The following SLC4A4 variants were observed in gnomAD, a reference collection of about 807,000 sequenced individuals.
SLC4A4 encodes electrogenic sodium bicarbonate cotransporter 1.
Under a neutral mutation model 111.5 loss-of-function variants are expected in SLC4A4, and 27 were observed. The observed-to-expected ratio is 0.24, with a 90% CI of 0.18 to 0.33. SLC4A4 has a LOEUF of 0.33. SLC4A4 is among the 10% of genes least tolerant of loss of function. The pLI, the probability that SLC4A4 is intolerant of heterozygous loss-of-function variation, is 1.00. For synonymous variants in SLC4A4, 443 were observed against 463.4 expected, an observed-to-expected ratio of 0.96 and a Z score of 0.57; for missense variants, 909 against 1,315.5, an observed-to-expected ratio of 0.69 and a Z score of 4.78.
At chr4:71,300,692 G>A (rs978852148) in intron 3 of SLC4A4, 1 of 393,548 alleles carries the variant, frequency 2.5e-6, no homozygotes, top group Admixed American at 3.0e-5. Context: ...GGAGTGATAT[G>A]TAGGGGCATG....
chr4:71,459,795 A>G (rs1330229445), intron 12 of SLC4A4, among the ~76,000 whole-genome samples: 1 of 152,102 alleles, frequency 6.6e-6, no homozygotes, highest in Non-Finnish European at 1.5e-5. Context: ...ATAACGGACA[A>G]GGATGTCCAC....
Position 71,318,993 on chromosome 4 carries a change from T to C in SLC4A4, c.254-20377T>C, listed in dbSNP as rs74390568. Among the ~76,000 whole-genome samples the C allele has an allele frequency of 7.1e-3, 1,074 of 152,024 alleles. 17 individuals are homozygous for C. The highest frequency in any genetic ancestry group is 0.025 in the African/African-American group (1,033 of 41,512). ...ATAACAATCTTAATATGTGTGTGTT[T>C]TGGGTGCAGCTCAGAGATAACCAAT... On this transcript the variant is annotated intron_variant, in intron 3 of 25. Coordinates refer to ENST00000264485, the MANE Select transcript of SLC4A4 (RefSeq NM_001098484.3).
chr4:71,128,058 C>A (rs10030652), intron 2 of SLC4A4, among the ~76,000 whole-genome samples: 6 of 152,166 alleles, frequency 3.9e-5, no homozygotes, highest in African/African-American at 1.2e-4. Flanking sequence ...TACACTCCAG[C>A]CTGGGTGACA....
At chr4:71,102,645 C>A (rs1291760004) in intron 2 of SLC4A4, among the ~76,000 whole-genome samples, 16 of 150,792 alleles carry the variant, frequency 1.1e-4, no homozygotes, top group African/African-American at 2.7e-4. Flanking sequence ...AATTTTCAAC[C>A]CAGAATTTCA....
intron 2 of SLC4A4, among the ~76,000 whole-genome samples, chr4:71,093,101 A>AAAAAT (rs144563514): frequency 0.091 from 13,866 of 152,026 alleles, 785 homozygotes; most frequent in African/African-American, 0.16. Flanking sequence ...TCTCAAAAAT[A>AAAAAT]AAAATAAAAT....
intron 7 of SLC4A4, among the ~76,000 whole-genome samples, chr4:71,399,559 A>G (rs1683877443): frequency 6.7e-6 from 1 of 148,536 alleles, no homozygotes; most frequent in Non-Finnish European, 1.5e-5. Flanking sequence ...CTGAATTGCT[A>G]GAAAAGCTGT....
intron 7 of SLC4A4, among the ~76,000 whole-genome samples, chr4:71,401,669 A>G (rs1720375561): frequency 6.6e-6 from 1 of 152,196 alleles, no homozygotes; most frequent in Non-Finnish European, 1.5e-5. Context: ...GGCTTCAGCT[A>G]TGAGGATAAG....
chr4:71,117,479 G>T (rs1160313228), intron 2 of SLC4A4, among the ~76,000 whole-genome samples: 2 of 151,920 alleles, frequency 1.3e-5, no homozygotes, highest in African/African-American at 4.8e-5. Context: ...AAGAAAAAAA[G>T]AAACAATGCA....
At chr4:71,191,645 C>A (rs988662986) in intron 1 of SLC4A4, among the ~76,000 whole-genome samples, 1 of 152,072 alleles carries the variant, frequency 6.6e-6, no homozygotes. Context: ...GCCCACTTGC[C>A]GCAACTTTAT....
chr4:71,259,222 A>G (rs1242782750), intron 3 of SLC4A4, among the ~76,000 whole-genome samples: 2 of 152,202 alleles, frequency 1.3e-5, no homozygotes, highest in Non-Finnish European at 2.9e-5. Context: ...GGCATAATTA[A>G]CAGGTTCATT....
At chr4:71,379,842 G>A (rs76566463) in intron 6 of SLC4A4, among the ~76,000 whole-genome samples, 2 of 151,860 alleles carry the variant, frequency 1.3e-5, no homozygotes, top group African/African-American at 4.8e-5. Flanking sequence ...TTTTCTGGTG[G>A]TGGTGATGGT....
intron 2 of SLC4A4, among the ~76,000 whole-genome samples, chr4:71,150,950 C>T (rs978342564): frequency 6.6e-6 from 1 of 152,148 alleles, no homozygotes; most frequent in African/African-American, 2.4e-5. Context: ...AAAGACCATG[C>T]CTCAAATTGT....
intron 8 of SLC4A4, among the ~76,000 whole-genome samples, chr4:71,444,435 A>G: frequency 6.6e-6 from 1 of 152,212 alleles, no homozygotes; most frequent in Non-Finnish European, 1.5e-5. Context: ...TTATGAGTGA[A>G]TAAAAAGAAC....
chr4:71,446,275 G>A (rs146651795), intron 8 of SLC4A4, among the ~76,000 whole-genome samples: 10 of 152,234 alleles, frequency 6.6e-5, no homozygotes, highest in Non-Finnish European at 1.3e-4. Flanking sequence ...TATTTGAAGT[G>A]AGGGATATAA....
At chr4:71,222,058 G>A (rs1718778312) in intron 1 of SLC4A4, among the ~76,000 whole-genome samples, 2 of 152,146 alleles carry the variant, frequency 1.3e-5, no homozygotes, top group African/African-American at 2.4e-5. Context: ...CTATAAGCTC[G>A]AGGAAGTATC....
chr4:71,302,418 A>G (rs1027635193), intron 3 of SLC4A4, among the ~76,000 whole-genome samples: 3 of 152,150 alleles, frequency 2.0e-5, no homozygotes, highest in African/African-American at 4.8e-5. Context: ...ATTTTTCTCT[A>G]TGCTCATAAT....
chr4:71,154,360 A>G (rs1744402103), intron 2 of SLC4A4, among the ~76,000 whole-genome samples: 1 of 152,198 alleles, frequency 6.6e-6, no homozygotes, highest in South Asian at 2.1e-4. Flanking sequence ...TAGAGTGTGG[A>G]CGCTTTCATT....
intron 3 of SLC4A4, among the ~76,000 whole-genome samples, chr4:71,260,210 G>A (rs1721754040): frequency 6.6e-6 from 1 of 152,174 alleles, no homozygotes; most frequent in East Asian, 1.9e-4. Flanking sequence ...CCGGGTAAAT[G>A]AACAGAGTAG....
Position 71,532,832 on chromosome 4 carries a change from G to A in SLC4A4, c.2280+657G>A, listed in dbSNP as rs74907174. Reference sequence around the variant, plus strand: ...TGTGAAGTTAGAACCCAAGCCTCCAGAAGTCTAGTCTAATACTCTTTTCAT... The same window carrying A: ...TGTGAAGTTAGAACCCAAGCCTCCAAAAGTCTAGTCTAATACTCTTTTCAT... On this transcript the variant is annotated intron_variant, in intron 17 of 25. Coordinates refer to ENST00000264485, the MANE Select transcript of SLC4A4 (RefSeq NM_001098484.3). 2.0e-3 allele frequency among the ~76,000 whole-genome samples: 310 copies of A among 152,226 alleles called. 1 individual carries two copies. The highest frequency in any genetic ancestry group is 6.9e-3 in the African/African-American group (287 of 41,558).
Sources: gnomAD v4.1 joint callset for allele counts (sites outside exome capture counted in the v4.1 genomes callset) on GRCh38, gnomAD v4.1.1 for gene constraint, MANE v1.5 for transcripts, NCBI Gene and HGNC (gene_info 2026-07-23, HGNC 2026-07-21) for gene names.